Variants in MYCBP2 observed in about 807,000 individuals in gnomAD.
MYCBP2 encodes E3 ubiquitin-protein ligase MYCBP2.
Under a neutral mutation model 525.3 loss-of-function variants are expected in MYCBP2, and 120 were observed. The observed-to-expected ratio is 0.23, with a 90% CI of 0.20 to 0.27. The LOEUF is 0.27. Among genes scored for constraint, MYCBP2 ranks in the 10% least tolerant of loss-of-function variants. The pLI, the probability that MYCBP2 is intolerant of heterozygous loss-of-function variation, is 1.00. For synonymous variants in MYCBP2, 1,894 were observed against 1,955.8 expected (o/e 0.97, Z 0.83); for missense variants, 4,149 against 5,657.1 (o/e 0.73, Z 8.55).
intron 61 of MYCBP2, among the ~76,000 whole-genome samples, chr13:77,087,949 T>G (rs957578509): frequency 1.3e-5 from 2 of 151,882 alleles, no homozygotes; most frequent in Admixed American, 6.6e-5. Flanking sequence ...CCCAGCTGAT[T>G]TTAAAACTTT....
chr13:77,149,667 A>C lies in MYCBP2; in HGVS notation c.7131+1067T>G, dbSNP rs1032081664. ...GAAGTATCTAAAACTCACCTCATCC[A>C]AAACTGAATCTGCTATCTTTCTCAA... On this transcript the variant is annotated intron_variant, in intron 47 of 82. Coordinates refer to ENST00000544440, the MANE Select transcript of MYCBP2 (RefSeq NM_015057.5). Among the ~76,000 whole-genome samples the C allele has an allele frequency of 2.0e-5, 3 of 152,272 alleles. No homozygotes were observed. The East Asian group carries it at 5.8e-4, about 29-fold the overall frequency.
At chr13:77,270,233 C>A in intron 6 of MYCBP2, 63 bp downstream of exon 6, 3 of 1,525,462 alleles carry the variant, frequency 2.0e-6, no homozygotes, top group Non-Finnish European at 1.8e-6. Flanking sequence ...TAGAAACACA[C>A]AGAACACAAT....
intron 82 of MYCBP2, among the ~76,000 whole-genome samples, chr13:77,047,933 C>A (rs2035920731): frequency 6.6e-6 from 1 of 152,092 alleles, no homozygotes; most frequent in South Asian, 2.1e-4. Flanking sequence ...GTTTGGGCCC[C>A]CCTCTCTGCT....
chr13:77,231,433 G>A (rs1193492992), intron 18 of MYCBP2, among the ~76,000 whole-genome samples: 1 of 152,060 alleles, frequency 6.6e-6, no homozygotes, highest in Non-Finnish European at 1.5e-5. Context: ...TTTTAGTAGA[G>A]ATGAGGTTTC....
At chr13:77,067,943 T>A in intron 70 of MYCBP2, 79 bp from the exon 71 acceptor site, 5 of 1,406,330 alleles carry the variant, frequency 3.6e-6, no homozygotes, top group Non-Finnish European at 9.5e-7. Flanking sequence ...TTTTCTTTTT[T>A]TAAAGACAGG....
intron 44 of MYCBP2, among the ~76,000 whole-genome samples, chr13:77,159,622 A>G: frequency 6.6e-6 from 1 of 152,050 alleles, no homozygotes; most frequent in South Asian, 2.1e-4. Context: ...TTTCCTTACA[A>G]TATCTGGTTG....
chr13:77,242,476 A>G (rs1220191283), intron 17 of MYCBP2, among the ~76,000 whole-genome samples: 3 of 152,180 alleles, frequency 2.0e-5, no homozygotes, highest in Non-Finnish European at 4.4e-5. Flanking sequence ...AAAGATAAAC[A>G]ATAGACCTAT....
rs367974168 is a variant in MYCBP2 at position 77,210,393 on chromosome 13, T to A, written c.3416+774A>T. On this transcript the variant is annotated intron_variant, in intron 23 of 82. Coordinates refer to ENST00000544440, the MANE Select transcript of MYCBP2 (RefSeq NM_015057.5). Reference sequence around the variant, plus strand: ...ATTTTTAGTAGAGACAGGGTTTCACTGTGTTAGCCAGGATGGTCTCGATCT... The same window carrying A: ...ATTTTTAGTAGAGACAGGGTTTCACAGTGTTAGCCAGGATGGTCTCGATCT... Among the ~76,000 whole-genome samples, 102 of 152,026 alleles carry A rather than the reference T, an allele frequency of 6.7e-4. No individual in the cohort carries two copies. In the Middle Eastern group the frequency reaches 0.01, roughly 15 times the overall value.
At chr13:77,087,216 C>T (rs181626627) in intron 62 of MYCBP2, among the ~76,000 whole-genome samples, 68 of 152,142 alleles carry the variant, frequency 4.5e-4, no homozygotes, top group African/African-American at 1.5e-3. Context: ...ACATGGAAAC[C>T]GAGGCCTACA....
In MYCBP2 at chr13:77,316,280, G is replaced by A. The variant is rs75508205; in HGVS notation, c.302+10194C>T. Among the ~76,000 whole-genome samples, 26 of 152,206 alleles carry A rather than the reference G, an allele frequency of 1.7e-4. No individual in the cohort carries two copies. In the East Asian group the frequency reaches 4.8e-3, roughly 28 times the overall value. On this transcript the variant is annotated intron_variant, in intron 1 of 82. Transcript: ENST00000544440. ...TGTTATATATTCATATCAAACAACT[G>A]AAAAATAGGAAAAACTAAACTAGTT...
intron 68 of MYCBP2, among the ~76,000 whole-genome samples, chr13:77,072,243 A>G (rs1471973637): frequency 6.7e-6 from 1 of 149,406 alleles, no homozygotes; most frequent in Non-Finnish European, 1.5e-5. Flanking sequence ...GTGAGCCGAG[A>G]TTGCACCACT....
chr13:77,103,382 A>G (rs2047368220), intron 55 of MYCBP2: 1 of 396,132 alleles, frequency 2.5e-6, no homozygotes, highest in South Asian at 1.3e-4. Context: ...GAACACAAGC[A>G]AAAACAAAGC....
Position 77,233,266 on chromosome 13 carries a change from G to A in MYCBP2, c.2630-3C>T. Reference sequence around the variant, plus strand: ...AGGACCAGCAAATACAAGGGGGCCTGAGGAGAAACATTTTGTATGTGCATA... The same window carrying A: ...AGGACCAGCAAATACAAGGGGGCCTAAGGAGAAACATTTTGTATGTGCATA... On this transcript the variant is annotated splice_region_variant and splice_polypyrimidine_tract_variant and intron_variant, in intron 17 of 82. Transcript: ENST00000544440. The A allele has an allele frequency of 6.2e-7, 1 of 1,609,954 alleles. No individual in the cohort carries two copies.
At chr13:77,181,678 A>G (rs1343492534) in intron 33 of MYCBP2, 23 bp downstream of exon 33, 2 of 1,599,418 alleles carry the variant, frequency 1.3e-6, no homozygotes, top group Admixed American at 1.7e-5. Context: ...CCTCTGTATA[A>G]AAGATTTCAG....
chr13:77,186,138 T>C (rs528677729), intron 30 of MYCBP2, 75 bp from the exon 31 acceptor site: 17 of 1,096,854 alleles, frequency 1.5e-5, no homozygotes, highest in Non-Finnish European at 2.1e-5. Context: ...GGAAAGGCAA[T>C]GGTAGACAAC....
rs138908012 is a variant in MYCBP2, at chr13:77,304,893, T to C, written c.303-8219A>G. Among the ~76,000 whole-genome samples the C allele has an allele frequency of 1.8e-4, 28 of 151,904 alleles. 1 individual carries two copies. Among genetic ancestry groups the C allele is most frequent in the African/African-American group, 6.8e-4 (28 of 41,468 alleles). Reference sequence around the variant, plus strand: ...ATCACTACAGATGCTGCCCATAAATTTGACAAATAAAATGGATAAATTCCT... The same window carrying C: ...ATCACTACAGATGCTGCCCATAAATCTGACAAATAAAATGGATAAATTCCT... On this transcript the variant is annotated intron_variant, in intron 1 of 82. Transcript: ENST00000544440.
chr13:77,209,956 C>A (rs979323399), intron 23 of MYCBP2, among the ~76,000 whole-genome samples: 1 of 152,162 alleles, frequency 6.6e-6, no homozygotes, highest in African/African-American at 2.4e-5. Context: ...GATGAGAATG[C>A]AAGCAGGCAT....
In MYCBP2 at chr13:77,068,838, A is replaced by G. The variant is rs1191774827; in HGVS notation, c.11905-7T>C. On this transcript the variant is annotated splice_region_variant and splice_polypyrimidine_tract_variant and intron_variant, in intron 69 of 82. Coordinates refer to ENST00000544440, the MANE Select transcript of MYCBP2 (RefSeq NM_015057.5). ...GGACAATATGAGCACACACCTATTT[A>G]AAGTTAACACAGAACATGTAAAAAT... 15 of 1,612,486 alleles carry G rather than the reference A, an allele frequency of 9.3e-6. No homozygotes were observed. The highest frequency in any genetic ancestry group is 1.3e-5 in the Non-Finnish European group (15 of 1,179,560).
At chr13:77,176,886 G>A (rs1423299159) in intron 35 of MYCBP2, among the ~76,000 whole-genome samples, 1 of 151,978 alleles carries the variant, frequency 6.6e-6, no homozygotes, top group African/African-American at 2.4e-5. Flanking sequence ...CATTTATAAA[G>A]CCTAATGAAG....
Sources: allele counts gnomAD v4.1 joint callset (sites outside exome capture counted in the v4.1 genomes callset), GRCh38; gene constraint gnomAD v4.1.1; transcripts MANE v1.5; gene names NCBI Gene and HGNC (gene_info 2026-07-23, HGNC 2026-07-21).